The following TPPP2 variants were observed in gnomAD, a reference collection of about 807,000 sequenced individuals.
The protein encoded by TPPP2 is tubulin polymerization promoting protein family member 2, also known as tubulin polymerization-promoting protein family member 2.
TPPP2 carries 8 observed loss-of-function variants against 13.0 expected under a neutral mutation model. The ratio of observed to expected loss-of-function variants is 0.62; its 90% CI spans 0.36 to 1.11. The LOEUF is 1.11. TPPP2 is among the 50% of genes most tolerant of loss of function. The pLI is 0.02. For synonymous variants in TPPP2, 81 were observed against 81.8 expected, an observed-to-expected ratio of 0.99 and a Z score of 0.05; for missense variants, 213 against 216.9, an observed-to-expected ratio of 0.98 and a Z score of 0.11.
At position 21,025,067 on chromosome 14, in the gene TPPP2, T is replaced by G; in HGVS notation, n.236+723T>G. On this transcript the variant is annotated intron_variant and non_coding_transcript_variant, in intron 1 of 1. Transcript: ENST00000533755. The surrounding 1 kb of genome is among the most constrained non-coding windows in gnomAD (Gnocchi z 5.1). ...GGCCGCTTCCACCTTCACTTGCCTTTGACTCGGGCCCGCCCCGGCTCGGGC... is the reference window on the plus strand; with the variant it reads ...GGCCGCTTCCACCTTCACTTGCCTTGGACTCGGGCCCGCCCCGGCTCGGGC... 3 of 986,062 alleles carry G rather than the reference T, an allele frequency of 3.0e-6. No individual in the cohort carries two copies. Among genetic ancestry groups the G allele is most frequent in the South Asian group, 9.4e-5 (2 of 21,302 alleles). The allele number at this position is 986,062 out of a possible 1,614,324, so 61.1% of individuals were successfully genotyped here.
Position 21,030,309 on chromosome 14 carries a change from A to G in TPPP2, c.-70+5A>G. The G allele has an allele frequency of 4.6e-6, 2 of 436,048 alleles. No homozygotes were observed. The highest frequency in any genetic ancestry group is 4.2e-6 in the Non-Finnish European group (1 of 237,008). The allele number at this position is 436,048 out of a possible 1,614,324, so 27.0% of individuals were successfully genotyped here. On this transcript the variant is annotated splice_donor_5th_base_variant and intron_variant, in intron 1 of 3. Transcript: ENST00000321760. ...CCACCATCCGGGTACTCTAAGGTAC[A>G]TAAAAGAGGTAGGGGAAAGAGAGGA...
At chr14:21,035,678 T>C (rs1040387542), downstream of TPPP2, 2 of 433,434 alleles carry the variant, frequency 4.6e-6, no homozygotes, top group Non-Finnish European at 9.3e-6. Context: ...GAGAGAAAGA[T>C]TGGTGTTCCT....
At chr14:21,027,041 G>T (rs977709301), upstream of TPPP2, among the ~76,000 whole-genome samples, 1 of 152,128 alleles carries the variant, frequency 6.6e-6, no homozygotes, top group Admixed American at 6.5e-5. Flanking sequence ...ATCTAAATTC[G>T]TCTCTGGGTC....
downstream of TPPP2, chr14:21,033,834 A>G: frequency 6.2e-7 from 1 of 1,611,134 alleles, no homozygotes; most frequent in Non-Finnish European, 8.5e-7. Flanking sequence ...TCCCGAATAG[A>G]GACCAGCGAT....
Position 21,031,965 on chromosome 14 carries a change from T to C in TPPP2, c.401T>C (p.Phe134Ser), listed in dbSNP as rs1884219136. Reference protein sequence around the residue: ...SKYTGTHKERFDESGKGKGIA... With the variant: ...SKYTGTHKERSDESGKGKGIA... ...TACACCGGCACCCACAAGGAGCGCT[T>C]TGATGAGAGTGGCAAGGGCAAGGGC... Residue 134 changes from phenylalanine (F) to serine (S), a missense_variant, in exon 4 of 4, where the codon TTT (phenylalanine) becomes TCT (serine). Phe to Ser is a radical substitution (Grantham distance 155). Coordinates refer to ENST00000321760, the MANE Select transcript of TPPP2 (RefSeq NM_173846.5). The C allele has an allele frequency of 1.2e-6, 2 of 1,614,008 alleles. No homozygotes were observed. Among genetic ancestry groups the C allele is most frequent in the East Asian group, 4.5e-5 (2 of 44,868 alleles).
At chr14:21,029,018 T>C (rs1383386603), upstream of TPPP2, 5 of 152,238 alleles carry the variant, frequency 3.3e-5, no homozygotes, top group African/African-American at 9.6e-5. Flanking sequence ...GGAACATCTT[T>C]GACCTGCATA....
Position 21,030,991 on chromosome 14 carries a change from G to T in TPPP2, c.174-21G>T, listed in dbSNP as rs779665502. ...ATGCATTCATGCTCCAAAGTTTCTG[G>T]ATTTCTGTCTAACTGACCAGGGCCA... On this transcript the variant is annotated intron_variant, in intron 2 of 3. Transcript: ENST00000321760. 35 of 1,586,416 alleles carry T rather than the reference G, an allele frequency of 2.2e-5. No homozygotes were observed. The Admixed American group carries it at 6.2e-4, about 28-fold the overall frequency.
In TPPP2 at chr14:21,032,064, A is replaced by C; in HGVS notation, c.500A>C (p.Lys167Thr). The change falls in exon 4 of 4, where the codon AAG (lysine) becomes ACG (threonine). Residue 167 changes from lysine (K) to threonine (T), a missense_variant. Transcript: ENST00000321760. ...TACAAGGGTTCTGGCACCTACGATA[A>C]GAAGACCAAGTAGAGAGGAGCTTCA... Reference protein sequence around the residue: ...SGYKGSGTYDKKTK With the variant: ...SGYKGSGTYDTKTK 6.2e-7 allele frequency: 1 copy of C among 1,613,654 alleles called. No individual in the cohort carries two copies. Among genetic ancestry groups the C allele is most frequent in the Non-Finnish European group, 8.5e-7 (1 of 1,179,592 alleles).
upstream of TPPP2, chr14:21,028,563 G>A (rs1204239043): frequency 6.6e-6 from 1 of 152,114 alleles, no homozygotes; most frequent in Non-Finnish European, 1.5e-5. Context: ...GGTAGATTGG[G>A]GCCTAGTTAG....
Position 21,032,347 on chromosome 14 carries a change from A to T in TPPP2, c.*270A>T, listed in dbSNP as rs1884270298. 3 of 556,672 alleles carry T rather than the reference A, an allele frequency of 5.4e-6. No individual in the cohort carries two copies. Among genetic ancestry groups the T allele is most frequent in the Non-Finnish European group, 1.0e-5 (3 of 293,196 alleles). The allele number at this position is 556,672 out of a possible 1,614,324, so 34.5% of individuals were successfully genotyped here. On this transcript the variant is annotated 3_prime_UTR_variant, in exon 4 of 4. Transcript: ENST00000321760. ...GCTTCCAAGAACAGGATGGAAGAAT[A>T]TATTTGGAGTAAAGAGATGAACCAG...
chr14:21,025,790 G>A (rs997027154), upstream of TPPP2: 1 of 838,170 alleles, frequency 1.2e-6, no homozygotes, highest in South Asian at 5.4e-5. This position sits in a 1 kb window ranked among gnomAD's most constrained non-coding sequence, Gnocchi z 5.1. Flanking sequence ...TAAATAGAGG[G>A]CGATCGCGGG....
chr14:21,033,198 A>G (rs916952751), downstream of TPPP2: 2 of 354,662 alleles, frequency 5.6e-6, no homozygotes, highest in South Asian at 4.3e-5. Context: ...AGACAGTCCT[A>G]GGCTCCATGG....
At chr14:21,034,227 A>G (rs926250843), downstream of TPPP2, 4 of 1,614,036 alleles carry the variant, frequency 2.5e-6, no homozygotes, top group Non-Finnish European at 3.4e-6. Context: ...CTTGATGTCC[A>G]TGACCAGAGT....
At chr14:21,025,679 C>G (rs1365336543), upstream of TPPP2, 4 of 985,174 alleles carry the variant, frequency 4.1e-6, no homozygotes, top group African/African-American at 1.7e-5. The surrounding 1 kb of genome is among the most constrained non-coding windows in gnomAD (Gnocchi z 5.1). Flanking sequence ...CCTGGTACCT[C>G]TCCTCTCTTT....
At chr14:21,031,840 A>T in intron 3 of TPPP2, 52 bp from the exon 4 acceptor site, 1 of 1,580,294 alleles carries the variant, frequency 6.3e-7, no homozygotes, top group Non-Finnish European at 8.6e-7. Flanking sequence ...TGGGGAAGGG[A>T]TATGACAGCG....
downstream of TPPP2, chr14:21,034,031 G>C: frequency 6.2e-7 from 1 of 1,614,146 alleles, no homozygotes; most frequent in Non-Finnish European, 8.5e-7. Context: ...CACTATACTT[G>C]CAGAACTTCT....
rs375585553 is a variant in TPPP2, at chr14:21,031,849, C to A, written c.328-43C>A. 10 of 1,591,708 alleles carry A rather than the reference C, an allele frequency of 6.3e-6. No homozygotes were observed. In the Admixed American group the frequency reaches 1.7e-4, roughly 27 times the overall value. On this transcript the variant is annotated intron_variant, in intron 3 of 3. Transcript: ENST00000321760. ...CATCTTTGGGGAAGGGATATGACAG[C>A]GTAAGGAAAGGAAGAGAGCTCAAAT...
chr14:21,034,739 G>C (rs17277697), downstream of TPPP2: 7,260 of 163,454 alleles, frequency 0.044, 227 homozygotes, highest in Non-Finnish European at 0.069. Context: ...CCAAGGCCAA[G>C]ACAGTCAAGA....
At chr14:21,035,835 G>A (rs765089443), downstream of TPPP2, 3 of 456,152 alleles carry the variant, frequency 6.6e-6, no homozygotes, top group South Asian at 4.6e-5. Flanking sequence ...AGTGATCCTA[G>A]ACCCCTCCAC....
Sources: gnomAD v4.1 joint callset for allele counts (sites outside exome capture counted in the v4.1 genomes callset) on GRCh38, gnomAD v4.1.1 for gene constraint, Gnocchi (gnomAD v3.1) non-coding constraint, MANE v1.5 for transcripts, NCBI Gene and HGNC (gene_info 2026-07-23, HGNC 2026-07-21) for gene names.